The following CTNNAL1 variants were observed in gnomAD, a reference collection of about 807,000 sequenced individuals.
CTNNAL1 encodes the protein catenin alpha like 1.
A neutral mutation model predicts 93.6 loss-of-function variants in CTNNAL1; 69 were observed. The ratio of observed to expected loss-of-function variants is 0.74; its 90% CI spans 0.61 to 0.90. The LOEUF is 0.90. Ranked by LOEUF, CTNNAL1 falls within the 40% of genes least tolerant of loss-of-function variation. The pLI is 0.00. For synonymous variants in CTNNAL1, 286 were observed against 305.4 expected (o/e 0.94, Z 0.66); for missense variants, 836 against 862.0 (o/e 0.97, Z 0.38).
intron 12 of CTNNAL1, among the ~76,000 whole-genome samples, chr9:108,954,116 T>A (rs1295972229): frequency 6.6e-6 from 1 of 152,190 alleles, no homozygotes; most frequent in African/African-American, 2.4e-5. Context: ...ACGACTGAAA[T>A]GGAATTGCCT....
chr9:108,983,022 G>C, intron 6 of CTNNAL1, 123 bp downstream of exon 6: 1 of 875,776 alleles, frequency 1.1e-6, no homozygotes, highest in Non-Finnish European at 1.5e-6. Context: ...AGGTTGCAGT[G>C]AGCCGAGATC....
At chr9:108,949,192 A>G (rs1187239763) in intron 14 of CTNNAL1, among the ~76,000 whole-genome samples, 1 of 152,234 alleles carries the variant, frequency 6.6e-6, no homozygotes, top group Non-Finnish European at 1.5e-5. Flanking sequence ...TATCTATTAC[A>G]GAAAAATCCA....
chr9:108,972,855 G>A (rs766506870), intron 8 of CTNNAL1, 22 bp from the exon 9 acceptor site: 2 of 758,056 alleles, frequency 2.6e-6, no homozygotes, highest in African/African-American at 1.9e-5. Context: ...TGTGTGGGTG[G>A]GGGGGTGGGA....
rs1279608991 is a variant in CTNNAL1, at chr9:108,950,409, T to C, written c.1835+1800A>G. ...CAATGGAAGGAAACCACCAAAGGAA[T>C]GGTCTCCAATGATGGAAAATATGAT... On this transcript the variant is annotated intron_variant, in intron 14 of 18. Transcript: ENST00000325551. 6.3e-6 allele frequency: 8 copies of C among 1,269,812 alleles called. No homozygotes were observed. The East Asian group carries it at 2.0e-4, about 32-fold the overall frequency. 78.7% of individuals were successfully genotyped at this position (1,269,812 alleles called of 1,614,324 possible).
At chr9:108,950,710 G>T (rs762628769) in intron 14 of CTNNAL1, 6 of 1,380,264 alleles carry the variant, frequency 4.3e-6, no homozygotes, top group Non-Finnish European at 4.8e-6. Context: ...TCTTTCTGGT[G>T]ACTTTGCAAA....
chr9:108,957,943 C>A (rs1830723578), intron 11 of CTNNAL1, among the ~76,000 whole-genome samples: 1 of 151,904 alleles, frequency 6.6e-6, no homozygotes, highest in South Asian at 2.1e-4. Flanking sequence ...AATGGTGACA[C>A]CCCATCTCTA....
intron 11 of CTNNAL1, among the ~76,000 whole-genome samples, chr9:108,959,823 C>T (rs1380704015): frequency 6.6e-6 from 1 of 152,090 alleles, no homozygotes; most frequent in East Asian, 1.9e-4. Context: ...ACAATTGTGC[C>T]ATCTTCTGAG....
At chr9:108,977,134 T>A in intron 7 of CTNNAL1, 86 bp from the exon 8 acceptor site, 1 of 562,928 alleles carries the variant, frequency 1.8e-6, no homozygotes, top group Non-Finnish European at 3.0e-6. Flanking sequence ...TAAATTGTAA[T>A]AAATTTTAAT....
intron 1 of CTNNAL1, among the ~76,000 whole-genome samples, chr9:109,004,783 C>T (rs1195431963): frequency 6.7e-6 from 1 of 149,826 alleles, no homozygotes; most frequent in Non-Finnish European, 1.5e-5. Flanking sequence ...GAGACTCTGT[C>T]TTGAAAAAAA....
chr9:108,968,018 T>C lies in CTNNAL1; in HGVS notation c.1440+2384A>G, dbSNP rs1032403032. 1.2e-4 allele frequency among the ~76,000 whole-genome samples: 18 copies of C among 152,122 alleles called. 1 individual carries two copies. The highest frequency in any genetic ancestry group is 1.2e-4 in the Non-Finnish European group (8 of 68,030). ...GTTCCTCCCTCTGGGGTGGGCATAG[T>C]GTCACAGGCACAGCACTTGCCAAGC... On this transcript the variant is annotated intron_variant, in intron 10 of 18. Transcript: ENST00000325551.
intron 1 of CTNNAL1, among the ~76,000 whole-genome samples, chr9:109,001,120 C>T (rs1174455067): frequency 2.9e-5 from 4 of 137,414 alleles, no homozygotes; most frequent in Non-Finnish European, 4.5e-5. Flanking sequence ...TGCAGTGAGC[C>T]GAGATTGCAC....
At chr9:108,976,528 CTTTTTTT>C (rs796174613) in intron 8 of CTNNAL1, among the ~76,000 whole-genome samples, 1 of 146,716 alleles carries the variant, frequency 6.8e-6, no homozygotes, top group Non-Finnish European at 1.5e-5. Context: ...CAAAGGAAAA[CTTTTTTT>C]TTTTTCTTTT....
In CTNNAL1 at chr9:108,943,872, C is replaced by T. The variant is rs867581007; in HGVS notation, c.1942-56G>A. On this transcript the variant is annotated intron_variant, in intron 16 of 18. Coordinates refer to ENST00000325551, the MANE Select transcript of CTNNAL1 (RefSeq NM_003798.4). The stretch of plus-strand genomic sequence containing the variant: ...CCGCAACAAAACTCCATCTTTAATA[C>T]CTTAAACACATTTATACATTGATAT... 4.4e-6 allele frequency: 7 copies of T among 1,601,812 alleles called. No homozygotes were observed. In the Middle Eastern group the frequency reaches 6.6e-4, roughly 152 times the overall value.
At chr9:108,999,953 T>G (rs1377363164) in intron 1 of CTNNAL1, among the ~76,000 whole-genome samples, 1 of 152,216 alleles carries the variant, frequency 6.6e-6, no homozygotes, top group Non-Finnish European at 1.5e-5. Flanking sequence ...CATCTAAGAA[T>G]ATTTATTAAA....
At chr9:108,955,683 C>T in intron 12 of CTNNAL1, 107 bp downstream of exon 12, 4 of 981,008 alleles carry the variant, frequency 4.1e-6, no homozygotes, top group East Asian at 2.6e-5. Context: ...TAACTTTTTT[C>T]TGTCATGTCA....
In CTNNAL1 at chr9:108,982,370, G is replaced by T. The variant is rs1379196361; in HGVS notation, c.900+775C>A. On this transcript the variant is annotated intron_variant, in intron 6 of 18. Coordinates refer to ENST00000325551, the MANE Select transcript of CTNNAL1 (RefSeq NM_003798.4). ...GAATAAGGACTCAATAACTGTTAGT[G>T]TGTATTACTGTTGATTTTTAAATTT... 3.3e-5 allele frequency among the ~76,000 whole-genome samples: 5 copies of T among 152,208 alleles called. No individual in the cohort carries two copies. In the South Asian group the frequency reaches 8.3e-4, roughly 25 times the overall value.
At chr9:108,952,115 G>A (rs1037612006) in intron 14 of CTNNAL1, 94 bp downstream of exon 14, 15 of 1,081,112 alleles carry the variant, frequency 1.4e-5, no homozygotes, top group Admixed American at 5.8e-5. Context: ...ATTTGATACC[G>A]ACTTTAACCT....
chr9:108,984,119 T>C lies in CTNNAL1; in HGVS notation c.729+228A>G, dbSNP rs370045849. Among the ~76,000 whole-genome samples the C allele has an allele frequency of 2.2e-4, 33 of 152,334 alleles. No homozygotes were observed. The South Asian group carries it at 6.4e-3, about 30-fold the overall frequency. ...TTAATTCATAGCACCTAATACACCA[T>C]GTTCTGCTGAGCTGTTCAATCAAAG... On this transcript the variant is annotated intron_variant, in intron 5 of 18. Coordinates refer to ENST00000325551, the MANE Select transcript of CTNNAL1 (RefSeq NM_003798.4).
chr9:108,970,337 C>A (rs892868355), intron 10 of CTNNAL1, 65 bp downstream of exon 10: 22 of 1,413,954 alleles, frequency 1.6e-5, no homozygotes, highest in Non-Finnish European at 2.1e-5. Context: ...ACCTTCCATC[C>A]ACACAACTTG....
Sources: gnomAD v4.1 joint callset for allele counts (sites outside exome capture counted in the v4.1 genomes callset) on GRCh38, gnomAD v4.1.1 for gene constraint, MANE v1.5 for transcripts, NCBI Gene and HGNC (gene_info 2026-07-23, HGNC 2026-07-21) for gene names.